FOXK2: variants seen among roughly 807,000 people sequenced by gnomAD.
FOXK2 encodes forkhead box protein K2.
Under a neutral mutation model 53.3 loss-of-function variants are expected in FOXK2, and 24 were observed. That is an observed-to-expected ratio of 0.45 (90% CI 0.33 to 0.63). The LOEUF (loss-of-function observed/expected upper bound fraction) is 0.63, where lower values mean the gene tolerates loss of function less well. Among genes scored for constraint, FOXK2 ranks in the 30% least tolerant of loss-of-function variants. The probability of loss-of-function intolerance (pLI) is 0.03; values close to 1 mark genes in which losing one functional copy is unlikely to be tolerated. For missense variants in FOXK2, 952 were observed against 910.5 expected (o/e 1.05, Z -0.59); for synonymous variants, 505 against 407.1 (o/e 1.24, Z -2.89).
At position 82,586,551 on chromosome 17, in the gene FOXK2, A is replaced by T. The variant is rs60560456; in HGVS notation, c.1576+351A>T. ...CCACAGGGAGGTCAAAGGTAGGCGG[A>T]GGGGAAAGGAGGAGAGGCTGCCCCA... On this transcript the variant is annotated intron_variant, in intron 7 of 8. Transcript: ENST00000335255. Among the ~76,000 whole-genome samples the T allele has an allele frequency of 2.3e-4, 13 of 55,798 alleles. 3 individuals are homozygous for T. The highest frequency in any genetic ancestry group is 1.1e-3 in the African/African-American group (7 of 6,490). The allele number at this position is 55,798 out of a possible 152,430, so 36.6% of individuals were successfully genotyped here. A position where few individuals can be genotyped will look rare whatever the true frequency, so the allele number is the denominator to read the frequency against.
At chr17:82,539,978 A>T (rs1014060875) in intron 1 of FOXK2, among the ~76,000 whole-genome samples, 1 of 150,374 alleles carries the variant, frequency 6.7e-6, no homozygotes, top group Non-Finnish European at 1.5e-5. Context: ...AAAAAAAAAA[A>T]TATCGATAAT....
chr17:82,563,341 T>G lies in FOXK2; in HGVS notation c.420-13T>G, dbSNP rs781725364. The G allele has an allele frequency of 6.2e-7, 1 of 1,607,974 alleles. No homozygotes were observed. The highest frequency in any genetic ancestry group is 1.1e-5 in the South Asian group (1 of 90,466). ...ACAGCAAAAGGTGCTGATGGTGGGC[T>G]TTTCTTTTCCAGGTGCACATTCAGG... On this transcript the variant is annotated splice_polypyrimidine_tract_variant and intron_variant, in intron 1 of 8. Coordinates refer to ENST00000335255, the MANE Select transcript of FOXK2 (RefSeq NM_004514.4).
chr17:82,568,980 C>T (rs1345447534), intron 3 of FOXK2, among the ~76,000 whole-genome samples: 1 of 152,090 alleles, frequency 6.6e-6, no homozygotes, highest in Non-Finnish European at 1.5e-5. Context: ...CCACTGAACT[C>T]CAGCCTGGGT....
chr17:82,598,359 G>C (rs1389061367), intron 8 of FOXK2, among the ~76,000 whole-genome samples: 1 of 152,152 alleles, frequency 6.6e-6, no homozygotes, highest in South Asian at 2.1e-4. Context: ...CCTCTCTTGG[G>C]GTTGCAGGCG....
chr17:82,540,293 A>AG (rs1491357014), intron 1 of FOXK2, among the ~76,000 whole-genome samples: 1 of 151,780 alleles, frequency 6.6e-6, no homozygotes. Flanking sequence ...AAAAAAAAAA[A>AG]GAGTTACCTT....
At chr17:82,597,151 C>A (rs1417798091) in intron 8 of FOXK2, among the ~76,000 whole-genome samples, 1 of 152,224 alleles carries the variant, frequency 6.6e-6, no homozygotes, top group Non-Finnish European at 1.5e-5. Flanking sequence ...CCGAGGTGCT[C>A]ATACATCACA....
At chr17:82,540,437 A>G (rs577853972) in intron 1 of FOXK2, among the ~76,000 whole-genome samples, 87 of 152,204 alleles carry the variant, frequency 5.7e-4, no homozygotes, top group Non-Finnish European at 1.3e-4. Flanking sequence ...GTCCTTCTGC[A>G]CGTAATCTGT....
At chr17:82,581,677 G>A (rs570037452) in intron 4 of FOXK2, among the ~76,000 whole-genome samples, 11 of 152,004 alleles carry the variant, frequency 7.2e-5, no homozygotes, top group South Asian at 2.1e-4. Flanking sequence ...GGGTTTCACC[G>A]TGTTTGCCAG....
At chr17:82,563,100 C>T (rs2044815159) in intron 1 of FOXK2, among the ~76,000 whole-genome samples, 1 of 152,158 alleles carries the variant, frequency 6.6e-6, no homozygotes, top group South Asian at 2.1e-4. Flanking sequence ...AGCTACGATA[C>T]CTGGCCTTGT....
intron 1 of FOXK2, among the ~76,000 whole-genome samples, chr17:82,562,494 C>T (rs531316967): frequency 2.6e-5 from 4 of 151,882 alleles, no homozygotes; most frequent in South Asian, 2.1e-4. Context: ...GCAGGAGAAT[C>T]GCTTGAACCT....
intron 1 of FOXK2, among the ~76,000 whole-genome samples, chr17:82,534,445 C>T (rs946314448): frequency 6.6e-6 from 1 of 152,154 alleles, no homozygotes; most frequent in African/African-American, 2.4e-5. Flanking sequence ...TTGTTGTTCC[C>T]GAGTCTTTGC....
intron 1 of FOXK2, among the ~76,000 whole-genome samples, chr17:82,538,868 G>C (rs2044546543): frequency 6.6e-6 from 1 of 152,094 alleles, no homozygotes; most frequent in African/African-American, 2.4e-5. Flanking sequence ...CCCAGCATGG[G>C]TTGCCCCAGC....
intron 3 of FOXK2, among the ~76,000 whole-genome samples, chr17:82,570,801 G>A (rs1044073885): frequency 3.9e-5 from 6 of 152,186 alleles, no homozygotes; most frequent in African/African-American, 1.2e-4. Context: ...CAGTGGGCTC[G>A]TGCCTGTAAG....
At chr17:82,577,301 A>G (rs1036309834) in intron 4 of FOXK2, 17 of 1,105,210 alleles carry the variant, frequency 1.5e-5, no homozygotes, top group Admixed American at 3.9e-5. Flanking sequence ...GTTATCCATG[A>G]TAACGTTCTC....
chr17:82,601,124 A>C, intron 8 of FOXK2, 179 bp from the exon 9 acceptor site: 1 of 650,010 alleles, frequency 1.5e-6, no homozygotes, highest in Non-Finnish European at 2.5e-6. Context: ...ACCGTGGGCC[A>C]GTCCCTGGGG....
chr17:82,551,204 C>G (rs1374477757), intron 1 of FOXK2, among the ~76,000 whole-genome samples: 1 of 151,914 alleles, frequency 6.6e-6, no homozygotes, highest in Non-Finnish European at 1.5e-5. Flanking sequence ...GTAGTCCTAG[C>G]TACTCGGGAG....
At chr17:82,529,155 G>C (rs2044446712) in intron 1 of FOXK2, among the ~76,000 whole-genome samples, 1 of 151,224 alleles carries the variant, frequency 6.6e-6, no homozygotes, top group Admixed American at 6.6e-5. Context: ...TTTTTTTACA[G>C]ATGATTCCTG....
chr17:82,575,020 A>G (rs936003330), intron 4 of FOXK2, among the ~76,000 whole-genome samples: 1 of 152,262 alleles, frequency 6.6e-6, no homozygotes, highest in Non-Finnish European at 1.5e-5. Flanking sequence ...GCCAAGTGAA[A>G]AGTCAGTACA....
chr17:82,577,081 G>T, intron 4 of FOXK2: 1 of 456,006 alleles, frequency 2.2e-6, no homozygotes, highest in Non-Finnish European at 4.0e-6. Flanking sequence ...AGAATTGTTT[G>T]AACCCACATG....
Sources: allele counts gnomAD v4.1 joint callset (sites outside exome capture counted in the v4.1 genomes callset), GRCh38; gene constraint gnomAD v4.1.1; transcripts MANE v1.5; gene names NCBI Gene and HGNC (gene_info 2026-07-23, HGNC 2026-07-21).